The following CACNA1S variants were observed in gnomAD, a reference collection of about 807,000 sequenced individuals.
CACNA1S encodes the protein voltage-dependent L-type calcium channel subunit alpha-1S.
Under a neutral mutation model 207.4 loss-of-function variants are expected in CACNA1S, and 126 were observed. The ratio of observed to expected loss-of-function variants is 0.61; its 90% CI spans 0.53 to 0.70. CACNA1S has a LOEUF of 0.70. Among genes scored for constraint, CACNA1S ranks in the 30% least tolerant of loss-of-function variants. The probability of loss-of-function intolerance (pLI) is 0.00; values close to 1 mark genes in which losing one functional copy is unlikely to be tolerated. For missense variants in CACNA1S, 2,349 were observed against 2,422.8 expected (o/e 0.97, Z 0.64); for synonymous variants, 960 against 932.7 (o/e 1.03, Z -0.53).
chr1:201,051,254 T>C (rs567117730), intron 32 of CACNA1S, 111 bp from the exon 33 acceptor site: 3 of 1,023,142 alleles, frequency 2.9e-6, no homozygotes, highest in Non-Finnish European at 4.6e-6. Context: ...GGGGCTGTTG[T>C]CCAATGGTAA....
rs114980578 is a variant in CACNA1S, at chr1:201,091,191, A to G, written c.694+449T>C. The stretch of plus-strand genomic sequence containing the variant: ...AATGTAGGTTATTTCTGGAAACTCA[A>G]AAAATGACTCCATTTGGCTCTTGGG... On this transcript the variant is annotated intron_variant, in intron 5 of 43. Transcript: ENST00000362061. 9.0e-3 allele frequency among the ~76,000 whole-genome samples: 1,377 copies of G among 152,310 alleles called. 11 individuals are homozygous for G. Among genetic ancestry groups the G allele is most frequent in the African/African-American group, 0.027 (1,126 of 41,568 alleles).
intron 34 of CACNA1S, among the ~76,000 whole-genome samples, chr1:201,049,527 T>C (rs951026236): frequency 2.6e-5 from 4 of 152,182 alleles, no homozygotes; most frequent in African/African-American, 9.7e-5. Context: ...ATTGGCACCG[T>C]GACTCCCAGA....
rs1660924114 is a variant in CACNA1S at position 201,058,426 on chromosome 1, G to A, written c.3591C>T (p.Val1197=). The change falls in exon 28 of 44, where the codon GTC becomes GTT. Residue 1197 remains valine, a synonymous_variant. Transcript: ENST00000362061. The part of the protein sequence containing the change: ...FLIVIGSIID[V]ILSEIDTFLA... ...TACTCACGTCGATCTCACTGAGGAT[G>A]ACATCAATGATGCTGCCAATGACAA... The A allele has an allele frequency of 2.5e-6, 4 of 1,613,910 alleles. No homozygotes were observed. The highest frequency in any genetic ancestry group is 1.1e-5 in the South Asian group (1 of 91,072).
At chr1:201,064,185 G>A (rs1226643881) in intron 22 of CACNA1S, among the ~76,000 whole-genome samples, 1 of 152,210 alleles carries the variant, frequency 6.6e-6, no homozygotes, top group African/African-American at 2.4e-5. Flanking sequence ...TGGGCAGGGG[G>A]CCAGGCAAAG....
In CACNA1S at chr1:201,066,364, A is replaced by T. The variant is rs748442999; in HGVS notation, c.2658-48T>A. On this transcript the variant is annotated intron_variant, in intron 20 of 43. Transcript: ENST00000362061. This position sits in a 1 kb window ranked among gnomAD's most constrained non-coding sequence, Gnocchi z 4.3. Reference sequence around the variant, plus strand: ...GGGCTGAGGGCAGCCTGCTCCAGCCAGCCCAGTCTGCGGTGGAGCCTCCAG... The same window carrying T: ...GGGCTGAGGGCAGCCTGCTCCAGCCTGCCCAGTCTGCGGTGGAGCCTCCAG... 5 of 1,530,694 alleles carry T rather than the reference A, an allele frequency of 3.3e-6. No individual in the cohort carries two copies. In the South Asian group the frequency reaches 4.5e-5, roughly 14 times the overall value. The allele number at this position is 1,530,694 out of a possible 1,614,324, so 94.8% of individuals were successfully genotyped here.
At chr1:201,044,168 G>A (rs1267714415) in intron 39 of CACNA1S, among the ~76,000 whole-genome samples, 160 bp downstream of exon 39, 1 of 151,712 alleles carries the variant, frequency 6.6e-6, no homozygotes, top group Non-Finnish European at 1.5e-5. Context: ...CATTGATTCT[G>A]AGTCCCAGGA....
At chr1:201,062,643 C>T in intron 22 of CACNA1S, 129 bp from the exon 23 acceptor site, 2 of 794,842 alleles carry the variant, frequency 2.5e-6, no homozygotes, top group South Asian at 1.5e-5. Context: ...GAGCCCAAGC[C>T]CATCTCTTCC....
In CACNA1S at chr1:201,040,297, G is replaced by C; in HGVS notation, c.5304C>G (p.His1768Gln). The change falls in exon 43 of 44, where the codon CAC becomes CAG. Residue 1768 changes from histidine (H) to glutamine (Q), a missense_variant. Coordinates refer to ENST00000362061, the MANE Select transcript of CACNA1S (RefSeq NM_000069.3). ...TPGSLHEETP[H>Q]SRSTRENTSR... ...AAGTATTCTCCCTGGTGCTCCTGCT[G>C]TGGGGTGTCTCCTCATGAAGAGACC... is the stretch of plus-strand genomic sequence containing the variant. 1 of 1,613,918 alleles carries C rather than the reference G, an allele frequency of 6.2e-7. No homozygotes were observed. The highest frequency in any genetic ancestry group is 8.5e-7 in the Non-Finnish European group (1 of 1,179,942).
rs1236325420 is a variant in CACNA1S at position 201,068,229 on chromosome 1, CT to C, written c.2550+907del. On this transcript the variant is annotated intron_variant, in intron 19 of 43. Transcript: ENST00000362061. ...CAAATCACACAGCTCCCCGGCTCTG[CT>C]CTTTTTTTTTTTTTTTTTTTTTTTT... Among the ~76,000 whole-genome samples, 292 of 123,206 alleles carry C rather than the reference CT, an allele frequency of 2.4e-3. 6 individuals are homozygous for C. Among genetic ancestry groups the C allele is most frequent in the African/African-American group, 9.1e-3 (280 of 30,860 alleles). 80.8% of individuals were successfully genotyped at this position (123,206 alleles called of 152,430 possible). A position where few individuals can be genotyped will look rare whatever the true frequency, so the allele number is the denominator to read the frequency against.
intron 26 of CACNA1S, 96 bp downstream of exon 26, chr1:201,060,562 T>TG: frequency 7.5e-7 from 1 of 1,329,966 alleles, no homozygotes; most frequent in Non-Finnish European, 1.1e-6. Flanking sequence ...AAATGTCTAC[T>TG]GGGGGGAATC....
intron 7 of CACNA1S, among the ~76,000 whole-genome samples, chr1:201,086,551 C>T (rs1387976175): frequency 1.3e-5 from 2 of 152,162 alleles, no homozygotes; most frequent in Admixed American, 6.5e-5. Flanking sequence ...ATACTGCATA[C>T]CGTAGGCGAT....
intron 2 of CACNA1S, among the ~76,000 whole-genome samples, chr1:201,094,756 G>A (rs1455123064): frequency 6.6e-6 from 1 of 152,072 alleles, no homozygotes; most frequent in African/African-American, 2.4e-5. Flanking sequence ...TGGAGTGTGG[G>A]GTACACTGTG....
At chr1:201,040,548 A>G (rs1660124712) in intron 42 of CACNA1S, 74 bp downstream of exon 42, 2 of 1,479,356 alleles carry the variant, frequency 1.4e-6, no homozygotes, top group Non-Finnish European at 9.4e-7. Context: ...TTCCCCTGCC[A>G]TGATCCCACT....
At chr1:201,103,832 C>T (rs1257310557) in intron 2 of CACNA1S, among the ~76,000 whole-genome samples, 1 of 152,184 alleles carries the variant, frequency 6.6e-6, no homozygotes, top group African/African-American at 2.4e-5. Flanking sequence ...CCCTGGCTGC[C>T]AGAGGCTTAG....
chr1:201,087,902 G>T lies in CACNA1S; in HGVS notation c.928C>A (p.Pro310Thr). ...WVNDAIGNEW[P>T]WIYFVTLILL... ...ATGAGGGTGACAAAATAGATCCAGG[G>T]CCACTCATTCCCGATGGCATCATTG... is the stretch of plus-strand genomic sequence containing the variant. Residue 310 changes from proline to threonine, a missense_variant, in exon 7 of 44, where the codon CCC becomes ACC. Physicochemically the swap from Pro to Thr is conservative, Grantham distance 38 (BLOSUM62 -1). Transcript: ENST00000362061. The T allele has an allele frequency of 6.2e-7, 1 of 1,613,362 alleles. No individual in the cohort carries two copies. The highest frequency in any genetic ancestry group is 8.5e-7 in the Non-Finnish European group (1 of 1,179,480).
At chr1:201,050,336 T>C in intron 34 of CACNA1S, 53 bp downstream of exon 34, 1 of 1,603,838 alleles carries the variant, frequency 6.2e-7, no homozygotes, top group Non-Finnish European at 8.5e-7. Flanking sequence ...TGTGAGACGG[T>C]AGGAAGGGTC....
chr1:201,046,325 G>T (rs879381523), intron 38 of CACNA1S, among the ~76,000 whole-genome samples: 2 of 152,126 alleles, frequency 1.3e-5, no homozygotes, highest in African/African-American at 2.4e-5. Context: ...GGGATTACAA[G>T]CGTATGCCAC....
chr1:201,110,875 T>G (rs913457140), intron 1 of CACNA1S, among the ~76,000 whole-genome samples: 14 of 152,278 alleles, frequency 9.2e-5, no homozygotes, highest in African/African-American at 3.4e-4. Flanking sequence ...CCCAGGCCCA[T>G]GGCTTTCTCG....
intron 33 of CACNA1S, 145 bp downstream of exon 33, chr1:201,050,839 T>C: frequency 1.1e-6 from 1 of 905,470 alleles, no homozygotes; most frequent in Non-Finnish European, 1.8e-6. Context: ...ATGACCAGAA[T>C]GGGGGACAAC....
Sources: allele counts gnomAD v4.1 joint callset (sites outside exome capture counted in the v4.1 genomes callset), GRCh38; gene constraint gnomAD v4.1.1; non-coding constraint Gnocchi (gnomAD v3.1); transcripts MANE v1.5; gene names NCBI Gene and HGNC (gene_info 2026-07-23, HGNC 2026-07-21).